ZP3: variants seen among roughly 807,000 people sequenced by gnomAD.
The protein encoded by ZP3 is zona pellucida glycoprotein 3.
Under a neutral mutation model 35.6 loss-of-function variants are expected in ZP3, and 21 were observed. The observed-to-expected ratio is 0.59, with a 90% confidence interval of 0.42 to 0.85. The LOEUF is 0.85. Ranked by LOEUF, ZP3 falls within the 40% of genes least tolerant of loss-of-function variation. ZP3 has a pLI of 0.00. For synonymous variants in ZP3, 207 were observed against 214.5 expected (o/e 0.96, Z 0.31); for missense variants, 437 against 536.5 (o/e 0.81, Z 1.83).
chr7:76,405,675 A>G (rs1805001712), intron 1 of ZP3, among the ~76,000 whole-genome samples: 1 of 151,876 alleles, frequency 6.6e-6, no homozygotes, highest in Admixed American at 6.6e-5. Flanking sequence ...CTGAGTGGAG[A>G]CGACGGCAGA....
At chr7:76,398,817 G>T in intron 1 of ZP3, 1 of 1,610,148 alleles carries the variant, frequency 6.2e-7, no homozygotes, top group South Asian at 1.1e-5. Flanking sequence ...AAGTGAAGTG[G>T]ATACAGGGGT....
At chr7:76,433,775 T>C (rs1191992634) in intron 4 of ZP3, 128 bp downstream of exon 4, 2 of 1,132,210 alleles carry the variant, frequency 1.8e-6, no homozygotes, top group Admixed American at 4.9e-5. Context: ...CTCTGCCCTC[T>C]GCAACCTCTG....
rs887065060 is a variant in ZP3, at chr7:76,425,330, G to A, written c.312+54G>A. 31 of 1,538,626 alleles carry A rather than the reference G, an allele frequency of 2.0e-5. No homozygotes were observed. The African/African-American group carries it at 4.1e-4, about 20-fold the overall frequency. On this transcript the variant is annotated intron_variant, in intron 1 of 7. Transcript: ENST00000394857. ...GTGGGAGGATGTTCGAGGCAGCCGG[G>A]TATGGGGACTGTGGCCACCATCGGT...
intron 2 of ZP3, among the ~76,000 whole-genome samples, chr7:76,430,555 G>A (rs1168665777): frequency 6.6e-6 from 1 of 152,146 alleles, no homozygotes; most frequent in Non-Finnish European, 1.5e-5. Context: ...CCAACATGGT[G>A]AAACCCATCT....
chr7:76,434,561 C>T (rs1805934847), intron 5 of ZP3, among the ~76,000 whole-genome samples: 1 of 133,568 alleles, frequency 7.5e-6, no homozygotes, highest in South Asian at 2.7e-4. Context: ...TAGCTTGAAC[C>T]TGGGAGGCAG....
intron 5 of ZP3, among the ~76,000 whole-genome samples, chr7:76,436,335 C>T (rs1366540316): frequency 2.6e-5 from 4 of 152,052 alleles, no homozygotes; most frequent in African/African-American, 9.6e-5. Context: ...GCGTGAGCCA[C>T]TGTACCCGGC....
chr7:76,400,464 C>T (rs768933328), intron 1 of ZP3: 1 of 1,608,440 alleles, frequency 6.2e-7, no homozygotes, highest in Non-Finnish European at 8.5e-7. Context: ...GGCCACAGCC[C>T]AGCTGGCGAC....
chr7:76,424,139 A>G (rs1179909525), upstream of ZP3, among the ~76,000 whole-genome samples: 2 of 151,718 alleles, frequency 1.3e-5, no homozygotes, highest in Admixed American at 1.3e-4. Context: ...AATCCCCCTG[A>G]CTCTTCAATC....
chr7:76,421,441 A>G (rs1313132160), upstream of ZP3, among the ~76,000 whole-genome samples: 1 of 151,776 alleles, frequency 6.6e-6, no homozygotes, highest in Non-Finnish European at 1.5e-5. Flanking sequence ...TTTTGTAGAG[A>G]TGGGGCCTCA....
intron 1 of ZP3, chr7:76,397,847 G>A (rs1483217530): frequency 6.5e-7 from 1 of 1,527,362 alleles, no homozygotes; most frequent in Non-Finnish European, 8.8e-7. Flanking sequence ...GGATGGGGGC[G>A]GGGGTCAGGG....
At chr7:76,423,961 C>T (rs538678323), upstream of ZP3, among the ~76,000 whole-genome samples, 3 of 152,142 alleles carry the variant, frequency 2.0e-5, no homozygotes, top group Non-Finnish European at 2.9e-5. Flanking sequence ...GAATGAAGAA[C>T]GCAGGGCCCC....
chr7:76,406,914 T>A (rs1805053348), intron 1 of ZP3, among the ~76,000 whole-genome samples: 1 of 152,132 alleles, frequency 6.6e-6, no homozygotes, highest in Non-Finnish European at 1.5e-5. Context: ...ATTTACTTAA[T>A]ATTTTTCTCA....
At chr7:76,423,021 GAGAGAGAAAGAAAGAA>G (rs1252168186), upstream of ZP3, among the ~76,000 whole-genome samples, 188 of 72,828 alleles carry the variant, frequency 2.6e-3, 6 homozygotes, top group Middle Eastern at 0.024. Context: ...GAGAGAGAGA[GAGAGAGAAAGAAAGAA>G]AGAAAGAAAG....
intron 1 of ZP3, among the ~76,000 whole-genome samples, chr7:76,405,491 CT>C (rs776996787): frequency 6.7e-6 from 1 of 149,734 alleles, no homozygotes; most frequent in Non-Finnish European, 1.5e-5. Context: ...CAGAACATTT[CT>C]TTTTTATGAG....
At chr7:76,412,648 G>C (rs1055758844) in intron 1 of ZP3, among the ~76,000 whole-genome samples, 1 of 152,032 alleles carries the variant, frequency 6.6e-6, no homozygotes, top group African/African-American at 2.4e-5. Context: ...TCGGGAGTTT[G>C]AGACCAGCCT....
intron 1 of ZP3, among the ~76,000 whole-genome samples, chr7:76,398,352 C>T (rs2115770167): frequency 6.6e-6 from 1 of 150,956 alleles, no homozygotes; most frequent in Admixed American, 6.6e-5. Flanking sequence ...CTGTGTCCCC[C>T]AGGCTAGAGT....
chr7:76,429,568 C>T lies in ZP3; in HGVS notation c.366C>T (p.Pro122=), dbSNP rs774866065. Residue 122 remains proline (P), a synonymous_variant, in exon 2 of 8, where the codon CCC becomes CCT. Coordinates refer to ENST00000394857, the MANE Select transcript of ZP3 (RefSeq NM_001110354.2). ...YSTFLLHDPR[P]VGNLSIVRTN... Reference sequence around the variant, plus strand: ...CCTTCCTGCTCCATGACCCCCGCCCCGTGGGAAACCTGTCCATCGTGAGGA... The same window carrying T: ...CCTTCCTGCTCCATGACCCCCGCCCTGTGGGAAACCTGTCCATCGTGAGGA... 6.2e-6 allele frequency: 10 copies of T among 1,614,110 alleles called. No individual in the cohort carries two copies. Among genetic ancestry groups the T allele is most frequent in the Non-Finnish European group, 8.5e-6 (10 of 1,179,996 alleles).
rs1438348229 is a variant in ZP3, at chr7:76,440,550, C to T, written c.999C>T (p.Ser333=). 3 of 1,614,056 alleles carry T rather than the reference C, an allele frequency of 1.9e-6. No individual in the cohort carries two copies. The highest frequency in any genetic ancestry group is 2.7e-5 in the African/African-American group (2 of 74,934). ...GTGACTGTGGCACTCCAAGCCATTC[C>T]AGGAGGCAGCCTCATGTCATGAGCC... ...NKGDCGTPSH[S]RRQPHVMSQW... is the part of the protein sequence containing the mutation. The change falls in exon 7 of 8, where the codon TCC becomes TCT. Residue 333 remains serine (S), a synonymous_variant. Coordinates refer to ENST00000394857, the MANE Select transcript of ZP3 (RefSeq NM_001110354.2).
rs1554622698 is a variant in ZP3 at position 76,405,323 on chromosome 7, T to TTTC, written c.-67+7528_-67+7529insCTT. 4.6e-3 allele frequency among the ~76,000 whole-genome samples: 133 copies of TTTC among 29,152 alleles called. 5 individuals are homozygous for TTTC. Among genetic ancestry groups the TTTC allele is most frequent in the African/African-American group, 0.016 (77 of 4,910 alleles). 19.1% of individuals were successfully genotyped at this position (29,152 alleles called of 152,430 possible). On this transcript the variant is annotated intron_variant, in intron 1 of 8. Coordinates refer to the ZP3 transcript ENST00000336517. ...TATATATATATATATATATGTATTT[T>TTTC]TTTCTTTCTTTCTTTCTTTTTTTTT...
Sources: gnomAD v4.1 joint callset for allele counts (sites outside exome capture counted in the v4.1 genomes callset) on GRCh38, gnomAD v4.1.1 for gene constraint, MANE v1.5 for transcripts, NCBI Gene and HGNC (gene_info 2026-07-23, HGNC 2026-07-21) for gene names.